FOXP2: variants seen among roughly 807,000 people sequenced by gnomAD.
FOXP2 encodes the protein forkhead box protein P2.
FOXP2 carries 12 observed loss-of-function variants against 115.8 expected under a neutral mutation model. The ratio of observed to expected loss-of-function variants is 0.10; its 90% CI spans 0.07 to 0.17. FOXP2 has a LOEUF of 0.17. FOXP2 is among the 10% of genes least tolerant of loss of function. The probability of loss-of-function intolerance (pLI) is 1.00; values close to 1 mark genes in which losing one functional copy is unlikely to be tolerated. For synonymous variants in FOXP2, 328 were observed against 297.7 expected (o/e 1.10, Z -1.05); for missense variants, 629 against 843.5 (o/e 0.75, Z 3.15).
At chr7:114,612,107 G>T (rs772038961) in intron 3 of FOXP2, among the ~76,000 whole-genome samples, 1 of 151,932 alleles carries the variant, frequency 6.6e-6, no homozygotes, top group South Asian at 2.1e-4. Flanking sequence ...GTATATACCC[G>T]CACATTTTGT....
At chr7:114,144,700 G>A (rs1350347276) in intron 1 of FOXP2, among the ~76,000 whole-genome samples, 2 of 152,028 alleles carry the variant, frequency 1.3e-5, no homozygotes, top group African/African-American at 2.4e-5. Flanking sequence ...GAGCCATGCT[G>A]GTTCAGAAGT....
chr7:114,536,837 G>A (rs2129278806), intron 3 of FOXP2, among the ~76,000 whole-genome samples: 1 of 151,488 alleles, frequency 6.6e-6, no homozygotes, highest in East Asian at 1.9e-4. Context: ...TGAGAATTTA[G>A]GGATATTGAA....
chr7:114,651,237 A>T (rs1169112785), intron 8 of FOXP2, among the ~76,000 whole-genome samples: 1 of 152,074 alleles, frequency 6.6e-6, no homozygotes, highest in Non-Finnish European at 1.5e-5. Flanking sequence ...TCTTTTCAAT[A>T]TGCCATTTCA....
At chr7:114,392,179 G>A (rs1348780392) in intron 2 of FOXP2, among the ~76,000 whole-genome samples, 1 of 152,140 alleles carries the variant, frequency 6.6e-6, no homozygotes, top group African/African-American at 2.4e-5. Flanking sequence ...TAGATATAAT[G>A]GAGAAGAGGA....
intron 16 of FOXP2, among the ~76,000 whole-genome samples, chr7:114,674,512 A>G (rs1267579468): frequency 6.6e-6 from 1 of 152,226 alleles, no homozygotes; most frequent in Non-Finnish European, 1.5e-5. Flanking sequence ...ACTACACGCA[A>G]ACTCATTCAA....
At chr7:114,283,869 G>A (rs1330430962) in intron 1 of FOXP2, among the ~76,000 whole-genome samples, 1 of 152,008 alleles carries the variant, frequency 6.6e-6, no homozygotes, top group Non-Finnish European at 1.5e-5. Flanking sequence ...GGGCTGAGGT[G>A]GGAGAATAGC....
chr7:114,606,351 A>G (rs1803326647), intron 3 of FOXP2, among the ~76,000 whole-genome samples: 1 of 152,186 alleles, frequency 6.6e-6, no homozygotes, highest in Non-Finnish European at 1.5e-5. Context: ...GGGCCGGTAG[A>G]TAAGTTAGCC....
chr7:114,458,968 C>T (rs73208655), intron 2 of FOXP2, among the ~76,000 whole-genome samples: 1 of 152,108 alleles, frequency 6.6e-6, no homozygotes, highest in African/African-American at 2.4e-5. Context: ...TGGTGGCTGG[C>T]TTCATCCGGA....
At chr7:114,571,073 T>C (rs1584908308) in intron 3 of FOXP2, among the ~76,000 whole-genome samples, 1 of 152,112 alleles carries the variant, frequency 6.6e-6, no homozygotes, top group African/African-American at 2.4e-5. Flanking sequence ...TCAATTCAGT[T>C]ATGTTTCACT....
intron 1 of FOXP2, among the ~76,000 whole-genome samples, chr7:114,202,862 A>C (rs922420560): frequency 6.6e-6 from 1 of 152,190 alleles, no homozygotes; most frequent in African/African-American, 2.4e-5. Context: ...TTTTATTACT[A>C]TTTAATAGAT....
intron 1 of FOXP2, among the ~76,000 whole-genome samples, chr7:114,234,949 A>T (rs1794971881): frequency 2.0e-5 from 3 of 152,130 alleles, no homozygotes. Context: ...GCTATCCATA[A>T]TCTTGAGGTT....
intron 2 of FOXP2, among the ~76,000 whole-genome samples, chr7:114,354,745 C>A (rs761131646): frequency 6.6e-6 from 1 of 152,106 alleles, no homozygotes; most frequent in South Asian, 2.1e-4. Flanking sequence ...TATGAACACA[C>A]CTGCTCAGTT....
intron 2 of FOXP2, among the ~76,000 whole-genome samples, chr7:114,302,187 GT>G: frequency 6.6e-6 from 1 of 152,062 alleles, no homozygotes; most frequent in Non-Finnish European, 1.5e-5. Context: ...TAATTCAAAT[GT>G]TTTTTAGGAA....
chr7:114,130,968 G>T (rs1791858203), intron 1 of FOXP2, among the ~76,000 whole-genome samples: 1 of 152,190 alleles, frequency 6.6e-6, no homozygotes, highest in Admixed American at 6.5e-5. Flanking sequence ...TAAACTGGAA[G>T]TGTTTGTGTT....
intron 3 of FOXP2, among the ~76,000 whole-genome samples, chr7:114,560,617 C>A (rs1800714355): frequency 6.6e-6 from 1 of 151,818 alleles, no homozygotes. Context: ...CCCTGTTCCC[C>A]CGCCTCCGCC....
At chr7:114,278,361 C>CA (rs1796244872) in intron 1 of FOXP2, among the ~76,000 whole-genome samples, 1 of 145,602 alleles carries the variant, frequency 6.9e-6, no homozygotes. Flanking sequence ...TGTTGTTTTA[C>CA]TTTTTTTTTT....
At chr7:114,105,668 T>G (rs1791091693) in intron 1 of FOXP2, among the ~76,000 whole-genome samples, 1 of 152,050 alleles carries the variant, frequency 6.6e-6, no homozygotes, top group Non-Finnish European at 1.5e-5. Flanking sequence ...TCTCACATTA[T>G]TCTCTGAGGT....
At chr7:114,371,473 A>T (rs1269626756) in intron 2 of FOXP2, among the ~76,000 whole-genome samples, 2 of 152,108 alleles carry the variant, frequency 1.3e-5, no homozygotes, top group African/African-American at 4.8e-5. Flanking sequence ...GAATAAAAAT[A>T]AATAAAAAAT....
At chr7:114,506,991 C>G (rs1797852933) in intron 2 of FOXP2, among the ~76,000 whole-genome samples, 1 of 151,646 alleles carries the variant, frequency 6.6e-6, no homozygotes, top group Non-Finnish European at 1.5e-5. Flanking sequence ...GTAAAAAGAG[C>G]TGTTAAGGAT....
Sources: gnomAD v4.1 joint callset for allele counts (sites outside exome capture counted in the v4.1 genomes callset) on GRCh38, gnomAD v4.1.1 for gene constraint, MANE v1.5 for transcripts, NCBI Gene and HGNC (gene_info 2026-07-23, HGNC 2026-07-21) for gene names.